The following ZFAT variants were observed in gnomAD, a reference collection of about 807,000 sequenced individuals.
ZFAT encodes the protein zinc finger and AT-hook domain containing, also known as zinc finger protein ZFAT.
In ZFAT, 64 loss-of-function variants were observed where a neutral mutation model predicts 117.7. The observed-to-expected ratio is 0.54, with a 90% CI of 0.44 to 0.67. ZFAT has a LOEUF of 0.67. Ranked by LOEUF, ZFAT falls within the 30% of genes least tolerant of loss-of-function variation. ZFAT has a pLI of 0.00. For synonymous variants in ZFAT, 679 were observed against 615.0 expected, an observed-to-expected ratio of 1.10 and a Z score of -1.54; for missense variants, 1,433 against 1,584.5, an observed-to-expected ratio of 0.90 and a Z score of 1.62.
At chr8:134,806,122 A>G in the ZFAT span, among the ~76,000 whole-genome samples, 610 of 152,376 alleles carry the variant, frequency 4.0e-3, 5 homozygotes, top group African/African-American at 0.014. Context: ...ATACATGAGC[A>G]TGCATATGTA....
chr8:134,497,410 A>G (rs1818539802), intron 15 of ZFAT, among the ~76,000 whole-genome samples: 1 of 151,840 alleles, frequency 6.6e-6, no homozygotes, highest in Admixed American at 6.5e-5. Context: ...GCTGCTGGTT[A>G]CACACAGAGC....
chr8:134,576,680 A>C (rs1037394187), intron 10 of ZFAT, among the ~76,000 whole-genome samples: 1 of 152,218 alleles, frequency 6.6e-6, no homozygotes, highest in African/African-American at 2.4e-5. Context: ...GGAGGAAAAC[A>C]AAACAAAACT....
intron 1 of ZFAT, among the ~76,000 whole-genome samples, chr8:134,698,255 G>T (rs1833923726): frequency 6.6e-6 from 1 of 151,588 alleles, no homozygotes. Context: ...GAACCCAGGA[G>T]GTGGAGCTGA....
upstream of ZFAT, among the ~76,000 whole-genome samples, chr8:134,714,256 A>G (rs1814162011): frequency 6.6e-6 from 1 of 152,014 alleles, no homozygotes. Context: ...GCTGCTCAAC[A>G]TGAAATTCTC....
intron 2 of ZFAT, 120 bp from the exon 3 acceptor site, chr8:134,637,832 A>T: frequency 7.3e-7 from 1 of 1,371,950 alleles, no homozygotes; most frequent in Non-Finnish European, 9.8e-7. Context: ...TGAAAAGTCT[A>T]AAGTGATTCC....
chr8:134,787,235 T>C, the ZFAT span, among the ~76,000 whole-genome samples: 31,738 of 152,146 alleles, frequency 0.21, 3,588 homozygotes, highest in African/African-American at 0.26. Context: ...AAAATGTTCC[T>C]TTATGCTTTA....
At chr8:134,625,846 C>T (rs1156634173) in intron 3 of ZFAT, among the ~76,000 whole-genome samples, 2 of 152,280 alleles carry the variant, frequency 1.3e-5, no homozygotes, top group Middle Eastern at 3.4e-3. Context: ...GCATGGTCAC[C>T]GTGAGACCGT....
the ZFAT span, among the ~76,000 whole-genome samples, chr8:134,769,466 G>A: frequency 2.0e-5 from 3 of 152,302 alleles, no homozygotes; most frequent in African/African-American, 7.2e-5. Context: ...TGCAAGAGGT[G>A]GGTTTCCATG....
the ZFAT span, among the ~76,000 whole-genome samples, chr8:134,755,409 CAAAA>C: frequency 3.6e-5 from 2 of 55,304 alleles, no homozygotes; most frequent in Admixed American, 1.9e-4. Flanking sequence ...GACTCTGTCT[CAAAA>C]AAAAAAAAAA....
At chr8:134,752,379 C>T in the ZFAT span, among the ~76,000 whole-genome samples, 12 of 152,326 alleles carry the variant, frequency 7.9e-5, no homozygotes, top group South Asian at 1.9e-3. Context: ...ATGGCACCCC[C>T]GCCCTTGAGC....
chr8:134,792,815 C>A, the ZFAT span: 2 of 152,080 alleles, frequency 1.3e-5, no homozygotes, highest in African/African-American at 4.8e-5. Context: ...AAGATAATAC[C>A]TTTTTATAGT....
intron 7 of ZFAT, among the ~76,000 whole-genome samples, chr8:134,593,742 T>C (rs925328341): frequency 2.0e-5 from 3 of 152,188 alleles, no homozygotes; most frequent in African/African-American, 7.2e-5. Flanking sequence ...GGTGGGGGTT[T>C]CTACTCAACC....
intron 3 of ZFAT, among the ~76,000 whole-genome samples, chr8:134,611,214 G>A (rs781433681): frequency 6.6e-6 from 1 of 152,228 alleles, no homozygotes; most frequent in South Asian, 2.1e-4. Flanking sequence ...GATGGTTACA[G>A]GAAAGGATGG....
In ZFAT at chr8:134,502,059, G is replaced by T. The variant is rs184125780; in HGVS notation, c.3492+7560C>A. On this transcript the variant is annotated intron_variant, in intron 15 of 15. Transcript: ENST00000377838. ...TACAATCACAGTTGTAGAATAGAGC[G>T]CTTGTTTTTAAAAGTAAAAATAAAA... Among the ~76,000 whole-genome samples the T allele has an allele frequency of 2.0e-5, 3 of 152,292 alleles. No individual in the cohort carries two copies. In the East Asian group the frequency reaches 5.8e-4, roughly 29 times the overall value.
At chr8:134,497,279 T>C (rs1816882760) in intron 15 of ZFAT, among the ~76,000 whole-genome samples, 1 of 152,254 alleles carries the variant, frequency 6.6e-6, no homozygotes, top group South Asian at 2.1e-4. Flanking sequence ...CCCTGGCTTC[T>C]ATGTGAAAAC....
the ZFAT span, among the ~76,000 whole-genome samples, chr8:134,730,508 C>A: frequency 1.3e-5 from 2 of 152,184 alleles, no homozygotes. Flanking sequence ...GTGGAACATC[C>A]TCCGTGTTCA....
chr8:134,646,821 A>C (rs1419752440), intron 2 of ZFAT, among the ~76,000 whole-genome samples: 1 of 152,220 alleles, frequency 6.6e-6, no homozygotes, highest in African/African-American at 2.4e-5. Context: ...AATTCCTAGA[A>C]TCACACAATC....
the ZFAT span, among the ~76,000 whole-genome samples, chr8:134,799,515 C>T: frequency 1.3e-5 from 2 of 152,136 alleles, no homozygotes; most frequent in African/African-American, 4.8e-5. Flanking sequence ...CCAATCAGTA[C>T]ATATATAGAA....
At chr8:134,611,633 G>A (rs865809594) in intron 3 of ZFAT, among the ~76,000 whole-genome samples, 1 of 152,204 alleles carries the variant, frequency 6.6e-6, no homozygotes, top group African/African-American at 2.4e-5. Flanking sequence ...CCAGCCTGCT[G>A]GGTCTTCTGA....
Sources: gnomAD v4.1 joint callset for allele counts (sites outside exome capture counted in the v4.1 genomes callset) on GRCh38, gnomAD v4.1.1 for gene constraint, MANE v1.5 for transcripts, NCBI Gene and HGNC (gene_info 2026-07-23, HGNC 2026-07-21) for gene names.